CBARP: variants seen among roughly 807,000 people sequenced by gnomAD.
CBARP encodes the protein voltage-dependent calcium channel beta subunit-associated regulatory protein.
A neutral mutation model predicts 36.3 loss-of-function variants in CBARP; 24 were observed. The observed-to-expected ratio is 0.66, with a 90% CI of 0.48 to 0.93. The LOEUF (loss-of-function observed/expected upper bound fraction) is 0.93, where lower values mean the gene tolerates loss of function less well. CBARP is among the 40% of genes least tolerant of loss of function. The pLI, the probability that CBARP is intolerant of heterozygous loss-of-function variation, is 0.00. For missense variants in CBARP, 1,146 were observed against 980.4 expected (o/e 1.17, Z -2.26); for synonymous variants, 586 against 453.2 (o/e 1.29, Z -3.72).
chr19:1,230,805 G>A, intron 9 of CBARP: 1 of 1,456,812 alleles, frequency 6.9e-7, no homozygotes, highest in Admixed American at 2.5e-5. Context: ...GACCACAGCA[G>A]AACCCTTCAG....
In CBARP at chr19:1,229,694, G is replaced by T. The variant is rs2080864127; in HGVS notation, c.1603C>A (p.Arg535Ser). Residue 535 changes from arginine (R) to serine (S), a missense_variant, in exon 10 of 10, where the codon CGC (arginine) becomes AGC (serine). By Grantham distance (110) the Arg-to-Ser change is moderately radical. Transcript: ENST00000650044. The surrounding 1 kb of genome is among the most constrained non-coding windows in gnomAD (Gnocchi z 5.1). The part of the protein sequence containing the change: ...RPRSPRAWPR[R>S]PRRDYSIDEK... ...TCGATGCTGTAGTCGCGGCGCGGGC[G>T]GCGGGGCCAGGCGCGCGGGCTGCGG... 1.4e-5 allele frequency: 14 copies of T among 1,026,822 alleles called. No individual in the cohort carries two copies. Among genetic ancestry groups the T allele is most frequent in the Non-Finnish European group, 1.4e-5 (12 of 850,578 alleles). 63.6% of individuals were successfully genotyped at this position (1,026,822 alleles called of 1,614,324 possible). A position where few individuals can be genotyped will look rare whatever the true frequency, so the allele number is the denominator to read the frequency against.
chr19:1,229,253 G>A lies in CBARP; in HGVS notation c.2044C>T (p.Leu682Phe). ...GLDERLFPPR[L>F]AEPVVATPAL... ...GGAGTCGCCACGACGGGCTCGGCGA[G>A]GCGCGGCGGAAAGAGTCTCTCGTCG... Residue 682 changes from leucine to phenylalanine, a missense_variant, in exon 10 of 10, where the codon CTC becomes TTC. Leu to Phe is a conservative substitution (Grantham distance 22, BLOSUM62 0). Coordinates refer to ENST00000650044, the MANE Select transcript of CBARP (RefSeq NM_001393918.1). The surrounding 1 kb of genome is among the most constrained non-coding windows in gnomAD (Gnocchi z 5.1). 1.6e-6 allele frequency: 2 copies of A among 1,243,238 alleles called. No individual in the cohort carries two copies. Among genetic ancestry groups the A allele is most frequent in the East Asian group, 8.1e-5 (1 of 12,308 alleles). 77.0% of individuals were successfully genotyped at this position (1,243,238 alleles called of 1,614,324 possible).
intron 9 of CBARP, chr19:1,230,837 C>T (rs560621209): frequency 1.3e-6 from 2 of 1,481,560 alleles, no homozygotes; most frequent in East Asian, 2.4e-5. Context: ...CACCAGCAAG[C>T]AGCAGTACCA....
chr19:1,231,625 C>T (rs529992920), intron 8 of CBARP, among the ~76,000 whole-genome samples: 5 of 131,844 alleles, frequency 3.8e-5, no homozygotes, highest in Non-Finnish European at 8.2e-5. Flanking sequence ...ATGCCTGTAC[C>T]CTCCTACACA....
intron 4 of CBARP, 127 bp downstream of exon 4, chr19:1,235,374 A>C (rs1028226553): frequency 5.2e-5 from 61 of 1,181,096 alleles, no homozygotes; most frequent in Non-Finnish European, 7.1e-5. Flanking sequence ...ATGAGTCGGA[A>C]TCGAGCTGCG....
At chr19:1,234,519 CG>C in intron 6 of CBARP, 51 bp downstream of exon 6, 1 of 1,537,808 alleles carries the variant, frequency 6.5e-7, no homozygotes, top group Non-Finnish European at 8.8e-7. Flanking sequence ...CGGGAGTCCC[CG>C]GGGCTGCCTC....
At position 1,234,267 on chromosome 19, in the gene CBARP, T is replaced by C. The variant is rs1005073105; in HGVS notation, c.692A>G (p.Tyr231Cys). 3 of 1,460,354 alleles carry C rather than the reference T, an allele frequency of 2.1e-6. No individual in the cohort carries two copies. Among genetic ancestry groups the C allele is most frequent in the Non-Finnish European group, 9.1e-7 (1 of 1,104,488 alleles). 90.5% of individuals were successfully genotyped at this position (1,460,354 alleles called of 1,614,324 possible). A position where few individuals can be genotyped will look rare whatever the true frequency, so the allele number is the denominator to read the frequency against. The change falls in exon 7 of 10, where the codon TAC becomes TGC. Residue 231 changes from tyrosine (Y) to cysteine (C), a missense_variant. Coordinates refer to ENST00000650044, the MANE Select transcript of CBARP (RefSeq NM_001393918.1). Reference sequence around the variant, plus strand: ...GTCAGTGGCGCCCGCGGCTGAGTTGTAGGGGTCACCTGGCAGGGCGGAGCT... The same window carrying C: ...GTCAGTGGCGCCCGCGGCTGAGTTGCAGGGGTCACCTGGCAGGGCGGAGCT... ...GPSSALPGDP[Y>C]NSAAGATDFA...
intron 4 of CBARP, 37 bp downstream of exon 4, chr19:1,235,464 A>T: frequency 6.5e-7 from 1 of 1,538,182 alleles, no homozygotes; most frequent in South Asian, 1.2e-5. Context: ...GGGCGGATGG[A>T]CAGGCGAGCG....
chr19:1,234,538 C>G (rs369637626), intron 6 of CBARP, 33 bp downstream of exon 6: 4 of 1,569,410 alleles, frequency 2.5e-6, no homozygotes, highest in African/African-American at 2.7e-5. Flanking sequence ...CTCCCGTCCC[C>G]CGAGGAACCG....
rs774174156 is a variant in CBARP at position 1,231,279 on chromosome 19, C to T, written c.980-4G>A. On this transcript the variant is annotated splice_region_variant and splice_polypyrimidine_tract_variant and intron_variant, in intron 8 of 9. Coordinates refer to ENST00000650044, the MANE Select transcript of CBARP (RefSeq NM_001393918.1). ...AAGTGGTGCCGCTTGGGGGAACCTGCGCACGGGATGTGCCGTAAGCGTCAG... is the reference window on the plus strand; with the variant it reads ...AAGTGGTGCCGCTTGGGGGAACCTGTGCACGGGATGTGCCGTAAGCGTCAG... The T allele has an allele frequency of 4.4e-6, 7 of 1,598,938 alleles. No homozygotes were observed. The highest frequency in any genetic ancestry group is 1.1e-5 in the South Asian group (1 of 91,002).
intron 7 of CBARP, 105 bp downstream of exon 7, chr19:1,234,086 G>C (rs550266357): frequency 7.6e-7 from 1 of 1,316,150 alleles, no homozygotes; most frequent in Middle Eastern, 2.1e-4. Context: ...GGAGGGCTGC[G>C]GTGGCTGGCA....
In CBARP at chr19:1,230,038, T is replaced by C; in HGVS notation, c.1259A>G (p.Asp420Gly). 1 of 1,221,426 alleles carries C rather than the reference T, an allele frequency of 8.2e-7. No individual in the cohort carries two copies. Among genetic ancestry groups the C allele is most frequent in the Non-Finnish European group, 1.0e-6 (1 of 959,616 alleles). 75.7% of individuals were successfully genotyped at this position (1,221,426 alleles called of 1,614,324 possible). A position where few individuals can be genotyped will look rare whatever the true frequency, so the allele number is the denominator to read the frequency against. Residue 420 changes from aspartate to glycine, a missense_variant, in exon 10 of 10, where the codon GAC becomes GGC. Asp to Gly is a moderately conservative substitution (Grantham distance 94, BLOSUM62 -1). Transcript: ENST00000650044. ...CTCGGGGCCCGCGTCCCGCTCGGCG[T>C]CCGGCTCCAGTGGCGGCTGCTGCTG... ...PEQQQPPLEP[D>G]AERDAGPEQA... is the part of the protein sequence containing the mutation.
chr19:1,234,599 G>C lies in CBARP; in HGVS notation c.599C>G (p.Ser200Cys), dbSNP rs1212345073. 1.2e-6 allele frequency: 2 copies of C among 1,607,922 alleles called. No individual in the cohort carries two copies. Among genetic ancestry groups the C allele is most frequent in the Admixed American group, 1.7e-5 (1 of 59,242 alleles). The stretch of plus-strand genomic sequence containing the variant: ...GAAGATGGCCAGAGTGGCCTTGGGA[G>C]AGGTGGCCGGGTGGGGCGTGGTGGC... ...SSATTPHPAT[S>C]PKATLAIFQP... is the part of the protein sequence containing the mutation. Residue 200 changes from serine (S) to cysteine (C), a missense_variant, in exon 6 of 10, where the codon TCT becomes TGT. Coordinates refer to ENST00000650044, the MANE Select transcript of CBARP (RefSeq NM_001393918.1).
chr19:1,231,949 C>G (rs1386315198), intron 8 of CBARP, among the ~76,000 whole-genome samples: 1 of 152,102 alleles, frequency 6.6e-6, no homozygotes, highest in Admixed American at 6.5e-5. Flanking sequence ...GTCCTGGACA[C>G]CTGGTGGCCT....
chr19:1,232,733 G>T (rs1314298880), intron 8 of CBARP, among the ~76,000 whole-genome samples: 5 of 152,264 alleles, frequency 3.3e-5, no homozygotes, highest in Non-Finnish European at 7.3e-5. Context: ...CGGAGCTTCG[G>T]TAAGTTTTAC....
In CBARP at chr19:1,236,081, A is replaced by G. The variant is rs113298601; in HGVS notation, c.20T>C (p.Met7Thr). The change falls in exon 2 of 10, where the codon ATG becomes ACG. Residue 7 changes from methionine (M) to threonine (T), a missense_variant. Transcript: ENST00000650044. MQPTAT[M>T]ATAATTTTTT... ...GGTGGTGGTGGTGGCGGCTGTGGCC[A>G]TGGTGGCTGTGGGCTGCATTCTGAA... 0.016 allele frequency: 24,502 copies of G among 1,493,648 alleles called. 247 individuals are homozygous for G. Among genetic ancestry groups the G allele is most frequent in the Non-Finnish European group, 0.02 (22,306 of 1,125,930 alleles). 92.5% of individuals were successfully genotyped at this position (1,493,648 alleles called of 1,614,324 possible).
rs757719929 is a variant in CBARP at position 1,235,523 on chromosome 19, G to C, written c.288C>G (p.Asp96Glu). The C allele has an allele frequency of 6.2e-7, 1 of 1,604,114 alleles. No homozygotes were observed. The highest frequency in any genetic ancestry group is 8.5e-7 in the Non-Finnish European group (1 of 1,176,340). Reference sequence around the variant, plus strand: ...CACCTTGGGCTGGGTGGGTGCCGTTGTCCAGGTAGGTGGTGGTGGTCTTCT... The same window carrying C: ...CACCTTGGGCTGGGTGGGTGCCGTTCTCCAGGTAGGTGGTGGTGGTCTTCT... ...EAEKTTTTYL[D>E]NGTHPAQDPD... Residue 96 changes from aspartate (D) to glutamate (E), a missense_variant, in exon 4 of 10, where the codon GAC becomes GAG. By Grantham distance (45) the Asp-to-Glu change is conservative. Coordinates refer to ENST00000650044, the MANE Select transcript of CBARP (RefSeq NM_001393918.1).
chr19:1,237,517 G>A (rs552783292), intron 1 of CBARP, among the ~76,000 whole-genome samples: 5 of 152,234 alleles, frequency 3.3e-5, no homozygotes, highest in South Asian at 2.1e-4. Context: ...CCGACGCCAG[G>A]GCTGAGCCGA....
At chr19:1,231,351 C>T (rs2080889822) in intron 8 of CBARP, 76 bp from the exon 9 acceptor site, 6 of 969,760 alleles carry the variant, frequency 6.2e-6, no homozygotes, top group Non-Finnish European at 7.6e-6. Flanking sequence ...AATGCCTATG[C>T]CCCCCCGCCA....
Sources: allele counts gnomAD v4.1 joint callset (sites outside exome capture counted in the v4.1 genomes callset), GRCh38; gene constraint gnomAD v4.1.1; non-coding constraint Gnocchi (gnomAD v3.1); transcripts MANE v1.5; gene names NCBI Gene and HGNC (gene_info 2026-07-23, HGNC 2026-07-21).